Variants in ZMYM2 observed in about 807,000 individuals in gnomAD.
ZMYM2 encodes zinc finger MYM-type protein 2.
ZMYM2 carries 56 observed loss-of-function variants against 162.8 expected under a neutral mutation model. That is an observed-to-expected ratio of 0.34 (90% confidence interval 0.28 to 0.43). ZMYM2 has a LOEUF of 0.43. Among genes scored for constraint, ZMYM2 ranks in the 20% least tolerant of loss-of-function variants. The pLI, the probability that ZMYM2 is intolerant of heterozygous loss-of-function variation, is 1.00. For missense variants in ZMYM2, 1,275 were observed against 1,621.8 expected (o/e 0.79, Z 3.67); for synonymous variants, 510 against 541.6 (o/e 0.94, Z 0.81).
At chr13:19,970,618 AAAAAG>A (rs1170476949) in intron 2 of ZMYM2, among the ~76,000 whole-genome samples, 1 of 147,412 alleles carries the variant, frequency 6.8e-6, no homozygotes, top group Non-Finnish European at 1.5e-5. Context: ...AAAAAAAAAA[AAAAAG>A]GGCATCCTCT....
chr13:20,018,196 C>A (rs936357265), intron 6 of ZMYM2, among the ~76,000 whole-genome samples: 2 of 152,116 alleles, frequency 1.3e-5, no homozygotes, highest in African/African-American at 2.4e-5. Context: ...CCAAATGATT[C>A]TTCTTCAGTG....
the ZMYM2 span, among the ~76,000 whole-genome samples, chr13:19,916,412 C>T: frequency 6.6e-6 from 1 of 152,108 alleles, no homozygotes; most frequent in Non-Finnish European, 1.5e-5. Context: ...CACATGCACA[C>T]GTATGTTTAT....
intron 12 of ZMYM2, among the ~76,000 whole-genome samples, chr13:20,037,805 C>T (rs765235545): frequency 2.4e-4 from 37 of 152,096 alleles, no homozygotes; most frequent in Non-Finnish European, 4.6e-4. Flanking sequence ...AAATTTAGGT[C>T]ATGGTAAATG....
intron 6 of ZMYM2, among the ~76,000 whole-genome samples, chr13:20,012,513 C>A (rs1951289083): frequency 6.6e-6 from 1 of 152,118 alleles, no homozygotes. Flanking sequence ...CCATTGTTTT[C>A]TTTTGGTCGT....
intron 21 of ZMYM2, among the ~76,000 whole-genome samples, chr13:20,069,052 G>A (rs1566447124): frequency 2.6e-5 from 4 of 152,090 alleles, no homozygotes; most frequent in Admixed American, 2.6e-4. Flanking sequence ...CCCTAAGGAC[G>A]TGCTTTTTGC....
At chr13:20,082,305 A>T (rs1459093801) in intron 22 of ZMYM2, among the ~76,000 whole-genome samples, 175 bp downstream of exon 22, 2 of 152,176 alleles carry the variant, frequency 1.3e-5, no homozygotes, top group Non-Finnish European at 2.9e-5. Context: ...TGTGGTCAAT[A>T]ACTAGTGTTT....
the ZMYM2 span, among the ~76,000 whole-genome samples, chr13:19,881,990 A>C: frequency 6.6e-6 from 1 of 151,406 alleles, no homozygotes; most frequent in Non-Finnish European, 1.5e-5. Flanking sequence ...CAAAAAAAAA[A>C]AAAAAAAAAA....
chr13:19,884,899 C>T, the ZMYM2 span, among the ~76,000 whole-genome samples: 3 of 152,106 alleles, frequency 2.0e-5, no homozygotes, highest in South Asian at 4.1e-4. Context: ...TTATTTGGCC[C>T]GGCCCATGTC....
the ZMYM2 span, among the ~76,000 whole-genome samples, chr13:19,883,647 A>G: frequency 6.6e-6 from 1 of 152,138 alleles, no homozygotes; most frequent in Non-Finnish European, 1.5e-5. Flanking sequence ...TGTCTTTTCA[A>G]TTTCTGAGTG....
At chr13:19,987,079 T>C (rs1949209878) in intron 2 of ZMYM2, among the ~76,000 whole-genome samples, 1 of 118,836 alleles carries the variant, frequency 8.4e-6, no homozygotes, top group Non-Finnish European at 1.6e-5. Flanking sequence ...CACTCCAGCC[T>C]GCAGCCTGGG....
chr13:19,879,580 G>C, the ZMYM2 span, among the ~76,000 whole-genome samples: 1 of 152,154 alleles, frequency 6.6e-6, no homozygotes, highest in Non-Finnish European at 1.5e-5. Context: ...AGCAGGAAGC[G>C]AGTCTTTCCA....
intron 2 of ZMYM2, among the ~76,000 whole-genome samples, chr13:19,961,848 A>T (rs1361384291): frequency 6.6e-6 from 1 of 152,204 alleles, no homozygotes; most frequent in Admixed American, 6.5e-5. Flanking sequence ...TAACCTGATG[A>T]TTTTTAATTG....
At chr13:19,913,726 G>C in the ZMYM2 span, among the ~76,000 whole-genome samples, 1 of 152,138 alleles carries the variant, frequency 6.6e-6, no homozygotes, top group Non-Finnish European at 1.5e-5. Flanking sequence ...ATAAGACTCT[G>C]TCTCAAAAAC....
Position 19,993,825 on chromosome 13 carries a change from G to T in ZMYM2, c.753G>T (p.Gln251His). The change falls in exon 3 of 25, where the codon CAG becomes CAT. Residue 251 changes from glutamine (Q) to histidine (H), a missense_variant. This residue lies in a region of ZMYM2 where 115 missense variants were observed against 175.3 expected (regional missense o/e 0.66). Transcript: ENST00000610343. ...IQTYTPSLTS[Q>H]TKTGVGPFNP... ...CATACACCCCATCTTTAACTTCACAGACCAAGACTGGAGTAGGACCTTTTA... is the reference window on the plus strand; with the variant it reads ...CATACACCCCATCTTTAACTTCACATACCAAGACTGGAGTAGGACCTTTTA... The T allele has an allele frequency of 6.2e-7, 1 of 1,614,148 alleles. No individual in the cohort carries two copies. The highest frequency in any genetic ancestry group is 8.5e-7 in the Non-Finnish European group (1 of 1,180,022).
At chr13:19,903,865 A>C in the ZMYM2 span, among the ~76,000 whole-genome samples, 1 of 152,004 alleles carries the variant, frequency 6.6e-6, no homozygotes, top group Non-Finnish European at 1.5e-5. Context: ...AAATTAAGAA[A>C]ATTAAATAAT....
the ZMYM2 span, among the ~76,000 whole-genome samples, chr13:19,876,915 T>C: frequency 3.9e-5 from 6 of 152,294 alleles, no homozygotes; most frequent in Non-Finnish European, 7.4e-5. Context: ...TACCTGAGAC[T>C]GGATAATTTC....
Position 19,966,953 on chromosome 13 carries a change from C to G in ZMYM2, c.-11+6927C>G, listed in dbSNP as rs539538370. ...CCTAGGAAGTCATTCCATCCTATGT[C>G]TCTGTACGGTTTTACATTGCTTATG... On this transcript the variant is annotated intron_variant, in intron 2 of 24. Transcript: ENST00000610343. 1.6e-3 allele frequency among the ~76,000 whole-genome samples: 237 copies of G among 152,234 alleles called. 2 individuals carry two copies. Among genetic ancestry groups the G allele is most frequent in the Non-Finnish European group, 2.3e-3 (155 of 68,016 alleles).
At chr13:19,876,178 C>G in the ZMYM2 span, among the ~76,000 whole-genome samples, 2 of 152,024 alleles carry the variant, frequency 1.3e-5, no homozygotes, top group African/African-American at 2.4e-5. Flanking sequence ...AGGCACCCAC[C>G]ACCATGCCCC....
chr13:19,899,080 A>G, the ZMYM2 span, among the ~76,000 whole-genome samples: 2 of 151,756 alleles, frequency 1.3e-5, no homozygotes. Context: ...AGCCTCCCCA[A>G]GAGCTGGGAT....
Sources: allele counts gnomAD v4.1 joint callset (sites outside exome capture counted in the v4.1 genomes callset), GRCh38; gene constraint gnomAD v4.1.1; regional missense constraint gnomAD v4.1.1; transcripts MANE v1.5; gene names NCBI Gene and HGNC (gene_info 2026-07-23, HGNC 2026-07-21).